The following SND1 variants were observed in gnomAD, a reference collection of about 807,000 sequenced individuals.
SND1 encodes the protein staphylococcal nuclease domain-containing protein 1.
A neutral mutation model predicts 121.7 loss-of-function variants in SND1; 38 were observed. That is an observed-to-expected ratio of 0.31 (90% CI 0.24 to 0.41). The LOEUF is 0.41. Among genes scored for constraint, SND1 ranks in the 10% least tolerant of loss-of-function variants. The pLI, the probability that SND1 is intolerant of heterozygous loss-of-function variation, is 1.00. For missense variants in SND1, 868 were observed against 1,184.6 expected (o/e 0.73, Z 3.92); for synonymous variants, 401 against 447.4 (o/e 0.90, Z 1.31).
chr7:127,726,900 TTC>T (rs751584492), intron 10 of SND1, among the ~76,000 whole-genome samples: 15 of 152,180 alleles, frequency 9.9e-5, no homozygotes, highest in East Asian at 1.9e-4. Flanking sequence ...GTCTCTCCCA[TTC>T]TCTGTCTTTG....
chr7:128,000,318 T>C (rs1474459649), intron 16 of SND1, among the ~76,000 whole-genome samples: 1 of 151,870 alleles, frequency 6.6e-6, no homozygotes, highest in Non-Finnish European at 1.5e-5. Flanking sequence ...ACCCAGAGCA[T>C]TGGCCAACAC....
intron 12 of SND1, among the ~76,000 whole-genome samples, chr7:127,859,629 G>T (rs918022148): frequency 3.9e-5 from 6 of 152,058 alleles, no homozygotes; most frequent in African/African-American, 1.2e-4. Context: ...TTTCTGTCTG[G>T]GTAGTTTTTC....
intron 16 of SND1, among the ~76,000 whole-genome samples, chr7:128,060,723 G>A (rs967072505): frequency 6.6e-6 from 1 of 152,190 alleles, no homozygotes; most frequent in Non-Finnish European, 1.5e-5. Context: ...AGCTTTTTCC[G>A]AGGGCACTGT....
intron 11 of SND1, among the ~76,000 whole-genome samples, chr7:127,820,227 G>A (rs1798521987): frequency 6.6e-6 from 1 of 152,160 alleles, no homozygotes; most frequent in Non-Finnish European, 1.5e-5. Flanking sequence ...TCTCATTTGA[G>A]GGCTGGTGGT....
At chr7:128,089,365 G>A (rs1247503936) in intron 21 of SND1, 124 bp from the exon 22 acceptor site, 3 of 936,326 alleles carry the variant, frequency 3.2e-6, no homozygotes, top group African/African-American at 1.7e-5. Flanking sequence ...ACCTCACTAG[G>A]GTTCTCTGGG....
chr7:127,986,363 C>T (rs1802390508), intron 15 of SND1, among the ~76,000 whole-genome samples: 1 of 152,100 alleles, frequency 6.6e-6, no homozygotes, highest in African/African-American at 2.4e-5. Context: ...TGAGTCAAGG[C>T]TTGGGTGAGG....
At chr7:127,785,584 A>G (rs895097467) in intron 10 of SND1, among the ~76,000 whole-genome samples, 4 of 152,184 alleles carry the variant, frequency 2.6e-5, no homozygotes, top group Admixed American at 1.3e-4. Flanking sequence ...TAATTGCTAG[A>G]TGTTCGATAG....
chr7:127,664,733 AGTATT>A (rs1435561734), intron 1 of SND1, among the ~76,000 whole-genome samples: 2 of 152,032 alleles, frequency 1.3e-5, no homozygotes, highest in Non-Finnish European at 2.9e-5. Context: ...CAGTGGGAGG[AGTATT>A]GTGGGATGGC....
At chr7:128,031,654 C>A (rs866869691) in intron 16 of SND1, 1 of 147,140 alleles carries the variant, frequency 6.8e-6, no homozygotes. Context: ...ACCCGGTCCG[C>A]CGGCCGGAGG....
At chr7:127,850,750 G>A (rs975890180) in intron 12 of SND1, among the ~76,000 whole-genome samples, 1 of 152,274 alleles carries the variant, frequency 6.6e-6, no homozygotes, top group South Asian at 2.1e-4. Context: ...TAATATAATT[G>A]TGCTGCTTCT....
chr7:128,055,155 A>G (rs1469234868), intron 16 of SND1, among the ~76,000 whole-genome samples: 1 of 152,210 alleles, frequency 6.6e-6, no homozygotes, highest in African/African-American at 2.4e-5. Flanking sequence ...TGTTTTGGTC[A>G]GAGCATGAAA....
At chr7:127,676,691 A>G (rs1456451803) in intron 1 of SND1, among the ~76,000 whole-genome samples, 1 of 152,234 alleles carries the variant, frequency 6.6e-6, no homozygotes, top group Non-Finnish European at 1.5e-5. Flanking sequence ...TTATCAGTCT[A>G]AATCTGACAG....
intron 14 of SND1, among the ~76,000 whole-genome samples, chr7:127,909,697 A>G (rs1800415453): frequency 6.6e-6 from 1 of 152,164 alleles, no homozygotes; most frequent in Non-Finnish European, 1.5e-5. Flanking sequence ...CTCCCAAAGT[A>G]TTGCTATTAT....
At chr7:127,901,042 GA>G (rs1484821108) in intron 13 of SND1, among the ~76,000 whole-genome samples, 3 of 152,204 alleles carry the variant, frequency 2.0e-5, no homozygotes, top group African/African-American at 7.2e-5. Flanking sequence ...GGCCAACAGG[GA>G]AAGGCAGTAT....
At chr7:127,921,615 A>C (rs1371310497) in intron 14 of SND1, among the ~76,000 whole-genome samples, 2 of 152,178 alleles carry the variant, frequency 1.3e-5, no homozygotes, top group African/African-American at 2.4e-5. Flanking sequence ...TCTCATTTTT[A>C]GCATATAATT....
chr7:128,064,047 T>G (rs1379966576), intron 16 of SND1, among the ~76,000 whole-genome samples: 3 of 152,208 alleles, frequency 2.0e-5, no homozygotes, highest in Non-Finnish European at 4.4e-5. Flanking sequence ...TGGGAAATTT[T>G]TTTTTTTAAG....
chr7:127,706,384 G>C (rs1587609647), intron 8 of SND1, among the ~76,000 whole-genome samples: 1 of 150,982 alleles, frequency 6.6e-6, no homozygotes, highest in East Asian at 2.0e-4. Flanking sequence ...AGCCTCCCCA[G>C]TAGCTGGGAC....
intron 16 of SND1, among the ~76,000 whole-genome samples, chr7:128,034,480 T>C (rs1792711472): frequency 6.6e-6 from 1 of 152,132 alleles, no homozygotes; most frequent in Non-Finnish European, 1.5e-5. Flanking sequence ...AGTATGACTA[T>C]CCTTCCCTCC....
chr7:127,804,315 T>C (rs1798191929), intron 10 of SND1, among the ~76,000 whole-genome samples: 1 of 152,052 alleles, frequency 6.6e-6, no homozygotes, highest in Admixed American at 6.6e-5. Flanking sequence ...CTGCTTGTGC[T>C]ATTAGTTCTT....
Sources: allele counts gnomAD v4.1 joint callset (sites outside exome capture counted in the v4.1 genomes callset), GRCh38; gene constraint gnomAD v4.1.1; transcripts MANE v1.5; gene names NCBI Gene and HGNC (gene_info 2026-07-23, HGNC 2026-07-21).